Variants in VMP1 observed in about 807,000 individuals in gnomAD.
The protein encoded by VMP1 is ectopic P-granules autophagy protein 3 homolog.
A neutral mutation model predicts 56.0 loss-of-function variants in VMP1; 11 were observed. The observed-to-expected ratio is 0.20, with a 90% CI of 0.12 to 0.32. The LOEUF is 0.32. VMP1 is among the 10% of genes least tolerant of loss of function. The pLI is 1.00. For missense variants in VMP1, 296 were observed against 490.3 expected (o/e 0.60, Z 3.74); for synonymous variants, 149 against 165.0 (o/e 0.90, Z 0.74).
intron 1 of VMP1, among the ~76,000 whole-genome samples, chr17:59,724,516 A>G (rs9893655): frequency 6.6e-6 from 1 of 152,030 alleles, no homozygotes; most frequent in South Asian, 2.1e-4. Context: ...CCCCATCTCT[A>G]TAAAAATTAG....
intron 10 of VMP1, among the ~76,000 whole-genome samples, chr17:59,827,377 C>T (rs754152015): frequency 3.8e-4 from 58 of 151,716 alleles, no homozygotes; most frequent in South Asian, 2.7e-3. Context: ...AGTGCAGTGG[C>T]GTGATCTCAG....
chr17:59,793,915 G>A (rs1395774415), intron 7 of VMP1, among the ~76,000 whole-genome samples: 3 of 150,406 alleles, frequency 2.0e-5, no homozygotes, highest in African/African-American at 7.3e-5. Flanking sequence ...GTGAGCCACC[G>A]CATTTGCCCT....
rs1014694729 is a variant in VMP1, at chr17:59,841,352, A to C, written c.*1441A>C. The C allele has an allele frequency of 2.0e-6, 1 of 503,808 alleles. No homozygotes were observed. The highest frequency in any genetic ancestry group is 1.4e-5 in the South Asian group (1 of 69,254). 31.2% of individuals were successfully genotyped at this position (503,808 alleles called of 1,614,324 possible). A position where few individuals can be genotyped will look rare whatever the true frequency, so the allele number is the denominator to read the frequency against. The stretch of plus-strand genomic sequence containing the variant: ...GCTGTCTGACATTTTGGTATCTTTC[A>C]TCTGACCATCCATATCCAATGTTCT... On this transcript the variant is annotated 3_prime_UTR_variant, in exon 12 of 12. Coordinates refer to ENST00000262291, the MANE Select transcript of VMP1 (RefSeq NM_030938.5).
intron 8 of VMP1, among the ~76,000 whole-genome samples, chr17:59,810,575 G>A (rs1330519937): frequency 6.6e-6 from 1 of 152,146 alleles, no homozygotes; most frequent in Non-Finnish European, 1.5e-5. Flanking sequence ...ATAACAAATA[G>A]CAGGTGTGAT....
intron 7 of VMP1, among the ~76,000 whole-genome samples, chr17:59,790,992 A>C (rs1322709786): frequency 6.6e-6 from 1 of 151,936 alleles, no homozygotes; most frequent in African/African-American, 2.4e-5. Flanking sequence ...ATGGATCTTT[A>C]TCTAATCCTT....
At chr17:59,763,377 GTA>G (rs929226290) in intron 5 of VMP1, among the ~76,000 whole-genome samples, 13 of 151,804 alleles carry the variant, frequency 8.6e-5, no homozygotes, top group African/African-American at 3.1e-4. Context: ...AGTAGTCAAA[GTA>G]TTTTCAAAAT....
intron 6 of VMP1, among the ~76,000 whole-genome samples, chr17:59,772,717 C>T (rs983836472): frequency 6.6e-6 from 1 of 150,942 alleles, no homozygotes; most frequent in African/African-American, 2.4e-5. Flanking sequence ...TGTGGTGAGC[C>T]GAGATCGTGC....
intron 10 of VMP1, among the ~76,000 whole-genome samples, chr17:59,832,156 C>T (rs1396913617): frequency 2.0e-5 from 3 of 148,296 alleles, no homozygotes; most frequent in African/African-American, 7.4e-5. Flanking sequence ...TCAAGGTTCA[C>T]AGCAAGGAAA....
intron 10 of VMP1, among the ~76,000 whole-genome samples, chr17:59,833,208 G>A (rs1398415612): frequency 6.6e-6 from 1 of 151,064 alleles, no homozygotes; most frequent in Non-Finnish European, 1.5e-5. Context: ...TTTAGAGCTG[G>A]CATTATTGTT....
At chr17:59,757,004 A>G (rs527549317) in intron 5 of VMP1, among the ~76,000 whole-genome samples, 3 of 152,186 alleles carry the variant, frequency 2.0e-5, no homozygotes, top group Non-Finnish European at 4.4e-5. Flanking sequence ...AGAAAACTTG[A>G]AAAGTTCAAA....
chr17:59,832,812 T>C (rs1299270333), intron 10 of VMP1, among the ~76,000 whole-genome samples: 1 of 141,452 alleles, frequency 7.1e-6, no homozygotes, highest in Non-Finnish European at 1.5e-5. Context: ...GGTTTCACCA[T>C]GTTGGCTAGG....
chr17:59,816,945 C>CAA (rs113395601), intron 9 of VMP1, among the ~76,000 whole-genome samples: 3 of 67,034 alleles, frequency 4.5e-5, no homozygotes, highest in African/African-American at 5.1e-5. Context: ...GACTCCGTCT[C>CAA]AAAAAAAAAA....
intron 8 of VMP1, among the ~76,000 whole-genome samples, chr17:59,809,237 T>G (rs1301679313): frequency 1.3e-5 from 2 of 149,658 alleles, no homozygotes; most frequent in Admixed American, 1.3e-4. Context: ...GCCCAAGTGA[T>G]CCACCTGCCT....
intron 10 of VMP1, among the ~76,000 whole-genome samples, chr17:59,819,412 G>T (rs1022635568): frequency 5.9e-5 from 9 of 152,010 alleles, no homozygotes; most frequent in Non-Finnish European, 1.3e-4. Flanking sequence ...CAAAGTGTTG[G>T]AATTACTGGC....
chr17:59,747,874 T>C (rs1050272290), intron 5 of VMP1, among the ~76,000 whole-genome samples: 6 of 151,134 alleles, frequency 4.0e-5, no homozygotes, highest in African/African-American at 1.5e-4. Flanking sequence ...CAGCCTGTGT[T>C]ACAGAGCGAA....
At chr17:59,732,119 T>C (rs1175946067) in intron 2 of VMP1, among the ~76,000 whole-genome samples, 3 of 152,232 alleles carry the variant, frequency 2.0e-5, no homozygotes, top group African/African-American at 4.8e-5. Flanking sequence ...ACTTTTTTTT[T>C]AGCTTTTGAA....
chr17:59,839,161 T>A (rs1053481891), intron 11 of VMP1: 2 of 152,276 alleles, frequency 1.3e-5, no homozygotes, highest in Admixed American at 6.6e-5. Flanking sequence ...CACCAGCTAA[T>A]TTTTTGTATT....
intron 10 of VMP1, among the ~76,000 whole-genome samples, chr17:59,824,354 C>T (rs999332584): frequency 6.6e-6 from 1 of 151,518 alleles, no homozygotes; most frequent in Non-Finnish European, 1.5e-5. Flanking sequence ...GGTGTATCAC[C>T]TGAGGTCAGG....
intron 7 of VMP1, chr17:59,785,153 T>C (rs2036964616): frequency 6.6e-6 from 1 of 152,222 alleles, no homozygotes; most frequent in African/African-American, 2.4e-5. Context: ...TATTTAAAGC[T>C]TACACAATAG....
Sources: allele counts gnomAD v4.1 joint callset (sites outside exome capture counted in the v4.1 genomes callset), GRCh38; gene constraint gnomAD v4.1.1; transcripts MANE v1.5; gene names NCBI Gene and HGNC (gene_info 2026-07-23, HGNC 2026-07-21).